Variants in SMARCAD1 observed in about 807,000 individuals in gnomAD.
SMARCAD1 encodes the protein SWI/SNF-related matrix-associated actin-dependent regulator of chromatin subfamily A containing DEAD/H box 1.
A neutral mutation model predicts 127.1 loss-of-function variants in SMARCAD1; 25 were observed. That is an observed-to-expected ratio of 0.20 (90% CI 0.14 to 0.27). SMARCAD1 has a LOEUF of 0.27. SMARCAD1 is among the 10% of genes least tolerant of loss of function. SMARCAD1 has a pLI of 1.00. For missense variants in SMARCAD1, 807 were observed against 1,206.0 expected (o/e 0.67, Z 4.90); for synonymous variants, 400 against 396.9 (o/e 1.01, Z -0.09).
Position 94,232,215 on chromosome 4 carries a change from G to A in SMARCAD1, c.369-1739G>A, listed in dbSNP as rs576391419. On this transcript the variant is annotated intron_variant, in intron 3 of 23. Coordinates refer to ENST00000354268, the MANE Select transcript of SMARCAD1 (RefSeq NM_020159.5). ...TTATTTTCTATCACTTGTATTTCCT[G>A]TAGTCTGGAAGATAAATCCAAGCCA... Among the ~76,000 whole-genome samples, 78 of 152,140 alleles carry A rather than the reference G, an allele frequency of 5.1e-4. No homozygotes were observed. The South Asian group carries it at 7.7e-3, about 15-fold the overall frequency.
chr4:94,275,859 C>T (rs1267968649), intron 14 of SMARCAD1, among the ~76,000 whole-genome samples: 3 of 142,858 alleles, frequency 2.1e-5, no homozygotes, highest in Admixed American at 7.5e-5. Context: ...TGCAGTGGCG[C>T]GATCTCAGCT....
Position 94,209,126 on chromosome 4 carries a change from A to G in SMARCAD1, c.190+542A>G, listed in dbSNP as rs559678494. 7.9e-5 allele frequency among the ~76,000 whole-genome samples: 12 copies of G among 152,350 alleles called. No homozygotes were observed. In the South Asian group the frequency reaches 8.3e-4, roughly 11 times the overall value. ...ATGGTGAATGAACATTTTTAACCTC[A>G]TCAGCAGATTGTCAGAGACAAAAGT... On this transcript the variant is annotated intron_variant, in intron 2 of 23. Coordinates refer to ENST00000354268, the MANE Select transcript of SMARCAD1 (RefSeq NM_020159.5).
intron 11 of SMARCAD1, among the ~76,000 whole-genome samples, chr4:94,272,645 C>T (rs566960118): frequency 6.6e-6 from 1 of 151,940 alleles, no homozygotes; most frequent in African/African-American, 2.4e-5. Flanking sequence ...TTATTGAGAT[C>T]TATCTGTGTT....
chr4:94,284,326 CAAAAAAAAAA>C (rs1161926658), intron 22 of SMARCAD1, among the ~76,000 whole-genome samples: 9 of 25,922 alleles, frequency 3.5e-4, no homozygotes, highest in African/African-American at 8.8e-4. Context: ...GACTCCGTCT[CAAAAAAAAAA>C]AAAAAAAAAA....
intron 20 of SMARCAD1, 104 bp downstream of exon 20, chr4:94,280,884 G>GGAAGAATGCAGAACAGA: frequency 9.2e-7 from 1 of 1,086,384 alleles, no homozygotes; most frequent in Non-Finnish European, 1.4e-6. Context: ...TGTCTGTTCT[G>GGAAGAATGCAGAACAGA]CATTCTTCCA....
intron 22 of SMARCAD1, among the ~76,000 whole-genome samples, chr4:94,284,199 C>T (rs571441947): frequency 2.7e-5 from 4 of 149,836 alleles, no homozygotes; most frequent in Admixed American, 6.6e-5. Context: ...TGGTGGCAGG[C>T]GCCTGTAGTC....
chr4:94,216,333 A>C (rs1743175873), intron 2 of SMARCAD1, among the ~76,000 whole-genome samples: 1 of 152,102 alleles, frequency 6.6e-6, no homozygotes, highest in African/African-American at 2.4e-5. Flanking sequence ...CCATAGAAAA[A>C]TTTTAGATTT....
At chr4:94,253,085 T>C in intron 9 of SMARCAD1, 78 bp downstream of exon 9, 1 of 1,597,204 alleles carries the variant, frequency 6.3e-7, no homozygotes, top group Non-Finnish European at 8.5e-7. Flanking sequence ...CAAGTTGTCT[T>C]CAGCCCAGGT....
chr4:94,224,584 T>G (rs974437531), intron 2 of SMARCAD1, among the ~76,000 whole-genome samples: 7 of 148,830 alleles, frequency 4.7e-5, no homozygotes, highest in African/African-American at 1.7e-4. Flanking sequence ...ATTTCAGATT[T>G]TAGAACATTT....
At chr4:94,268,675 A>T (rs1363662803) in intron 10 of SMARCAD1, among the ~76,000 whole-genome samples, 1 of 152,198 alleles carries the variant, frequency 6.6e-6, no homozygotes, top group Non-Finnish European at 1.5e-5. Flanking sequence ...ACCATTGCAG[A>T]TACAGATTTG....
intron 2 of SMARCAD1, among the ~76,000 whole-genome samples, chr4:94,215,051 ATTAAAATGG>A (rs1165336546): frequency 6.6e-6 from 1 of 152,138 alleles, no homozygotes; most frequent in Non-Finnish European, 1.5e-5. Flanking sequence ...CCTTGCCCAC[ATTAAAATGG>A]TTATTATCCT....
At chr4:94,240,881 T>TGA (rs371293036) in intron 5 of SMARCAD1, 25 bp from the exon 6 acceptor site, 4 of 1,574,010 alleles carry the variant, frequency 2.5e-6, no homozygotes, top group African/African-American at 2.7e-5. Context: ...GTGCAAAGTT[T>TGA]GAGTGTGCTG....
chr4:94,224,946 T>C (rs747200696), intron 2 of SMARCAD1, among the ~76,000 whole-genome samples: 5 of 152,224 alleles, frequency 3.3e-5, no homozygotes, highest in Admixed American at 6.5e-5. Flanking sequence ...ATTCAACTGG[T>C]CATTGCTTTT....
intron 3 of SMARCAD1, among the ~76,000 whole-genome samples, chr4:94,229,792 A>G (rs1745551563): frequency 1.6e-5 from 2 of 128,446 alleles, no homozygotes; most frequent in Non-Finnish European, 1.7e-5. Context: ...AAATGTGAAA[A>G]TGTGTGGTGT....
chr4:94,221,379 T>A (rs544168996), intron 2 of SMARCAD1, among the ~76,000 whole-genome samples: 19 of 152,326 alleles, frequency 1.2e-4, no homozygotes, highest in African/African-American at 4.3e-4. Context: ...TTCGTATGGT[T>A]CCAGTTTCCA....
intron 2 of SMARCAD1, chr4:94,212,904 C>A: frequency 4.7e-6 from 2 of 421,276 alleles, no homozygotes; most frequent in Non-Finnish European, 4.5e-6. Context: ...TCCCAGCCAG[C>A]CTTTGGATTT....
In SMARCAD1 at chr4:94,257,104, T is replaced by C. The variant is rs560931669; in HGVS notation, c.1281+4097T>C. Among the ~76,000 whole-genome samples the C allele has an allele frequency of 2.6e-5, 4 of 152,340 alleles. No individual in the cohort carries two copies. In the East Asian group the frequency reaches 7.7e-4, roughly 29 times the overall value. On this transcript the variant is annotated intron_variant, in intron 9 of 23. Coordinates refer to ENST00000354268, the MANE Select transcript of SMARCAD1 (RefSeq NM_020159.5). ...GAAAAAAGTCCTTTGAGTAGTCACT[T>C]GAGTTTTTAATGAAGAGATATGATT...
chr4:94,212,940 CCT>C, intron 2 of SMARCAD1: 1 of 559,828 alleles, frequency 1.8e-6, no homozygotes, highest in South Asian at 1.5e-5. Context: ...ACCTCTGCCC[CCT>C]GATTTATTTT....
chr4:94,279,175 T>C (rs1753680011), intron 19 of SMARCAD1, 125 bp downstream of exon 19: 15 of 1,268,284 alleles, frequency 1.2e-5, no homozygotes, highest in South Asian at 2.8e-5. Flanking sequence ...ACTTTTTTTT[T>C]TCAGACCAGG....
Sources: gnomAD v4.1 joint callset for allele counts (sites outside exome capture counted in the v4.1 genomes callset) on GRCh38, gnomAD v4.1.1 for gene constraint, MANE v1.5 for transcripts, NCBI Gene and HGNC (gene_info 2026-07-23, HGNC 2026-07-21) for gene names.